The following TENM2 variants were observed in gnomAD, a reference collection of about 807,000 sequenced individuals.
TENM2 encodes teneurin transmembrane protein 2, also known as teneurin-2.
TENM2 carries 52 observed loss-of-function variants against 245.2 expected under a neutral mutation model. The observed-to-expected ratio is 0.21, with a 90% CI of 0.17 to 0.27. The LOEUF (loss-of-function observed/expected upper bound fraction) is 0.27. Ranked by LOEUF, TENM2 falls within the 10% of genes least tolerant of loss-of-function variation. TENM2 has a pLI of 1.00. For missense variants in TENM2, 3,046 were observed against 3,666.8 expected, an observed-to-expected ratio of 0.83 and a Z score of 4.37; for synonymous variants, 1,363 against 1,438.9, an observed-to-expected ratio of 0.95 and a Z score of 1.19.
chr5:167,207,106 G>A, the TENM2 span, among the ~76,000 whole-genome samples: 20 of 151,700 alleles, frequency 1.3e-4, no homozygotes, highest in Middle Eastern at 6.9e-3. Flanking sequence ...ACTGTGAACC[G>A]TGAGTTTGAG....
the TENM2 span, among the ~76,000 whole-genome samples, chr5:167,186,586 C>G: frequency 2.0e-5 from 3 of 152,136 alleles, no homozygotes; most frequent in Non-Finnish European, 4.4e-5. Flanking sequence ...GGAAACAACC[C>G]TTGGGACAAT....
chr5:167,213,016 A>C, the TENM2 span, among the ~76,000 whole-genome samples: 1 of 152,232 alleles, frequency 6.6e-6, no homozygotes, highest in African/African-American at 2.4e-5. Flanking sequence ...GATTTCTCCA[A>C]GTGAAAATGG....
chr5:167,954,201 A>G (rs906356340), intron 4 of TENM2, among the ~76,000 whole-genome samples: 1 of 151,340 alleles, frequency 6.6e-6, no homozygotes, highest in African/African-American at 2.4e-5. Context: ...ACACACACAC[A>G]AACAAACACA....
chr5:167,920,029 G>T (rs953939365), intron 3 of TENM2, among the ~76,000 whole-genome samples: 2 of 152,166 alleles, frequency 1.3e-5, no homozygotes, highest in Non-Finnish European at 2.9e-5. Flanking sequence ...ATTGTTCTGG[G>T]ATGAGTCCAT....
At chr5:167,708,329 C>T (rs925021008) in intron 2 of TENM2, among the ~76,000 whole-genome samples, 1 of 151,992 alleles carries the variant, frequency 6.6e-6, no homozygotes, top group African/African-American at 2.4e-5. Flanking sequence ...ATCATATATG[C>T]ACTTTTAATA....
the TENM2 span, among the ~76,000 whole-genome samples, chr5:167,207,326 G>T: frequency 6.6e-6 from 1 of 152,204 alleles, no homozygotes; most frequent in African/African-American, 2.4e-5. Flanking sequence ...GTGGGAAAGA[G>T]AACGCATGAG....
intron 2 of TENM2, chr5:167,755,271 T>C: frequency 9.1e-7 from 1 of 1,104,264 alleles, no homozygotes; most frequent in Non-Finnish European, 1.3e-6. Flanking sequence ...AGTATTTACT[T>C]TAACCCTTCA....
At chr5:167,482,948 T>G (rs1424805277) in intron 2 of TENM2, among the ~76,000 whole-genome samples, 1 of 152,214 alleles carries the variant, frequency 6.6e-6, no homozygotes, top group Non-Finnish European at 1.5e-5. Context: ...AACCTGTGAC[T>G]TTGAGAAGAA....
At chr5:167,640,864 T>TCC (rs1779528955) in intron 2 of TENM2, among the ~76,000 whole-genome samples, 6 of 24,062 alleles carry the variant, frequency 2.5e-4, no homozygotes, top group African/African-American at 2.4e-3. Flanking sequence ...TATATCCATA[T>TCC]ATATATATAT....
At chr5:167,327,468 T>G (rs1406885966) in intron 1 of TENM2, among the ~76,000 whole-genome samples, 1 of 152,098 alleles carries the variant, frequency 6.6e-6, no homozygotes, top group African/African-American at 2.4e-5. Flanking sequence ...TTGGAATAAA[T>G]GCAAAAAGCA....
At chr5:168,024,127 A>G (rs1382447632) in intron 5 of TENM2, among the ~76,000 whole-genome samples, 1 of 152,178 alleles carries the variant, frequency 6.6e-6, no homozygotes, top group Non-Finnish European at 1.5e-5. Context: ...AATTTTAATA[A>G]TTGGGCTCAT....
chr5:167,384,474 C>T (rs1164546541), intron 2 of TENM2, among the ~76,000 whole-genome samples: 1 of 152,082 alleles, frequency 6.6e-6, no homozygotes, highest in Non-Finnish European at 1.5e-5. Context: ...GAAAAAATTC[C>T]AACTCCAGTC....
chr5:167,318,674 A>G (rs1756527250), intron 1 of TENM2, among the ~76,000 whole-genome samples: 1 of 152,122 alleles, frequency 6.6e-6, no homozygotes, highest in Non-Finnish European at 1.5e-5. Flanking sequence ...TTTAGAAATA[A>G]TGTTTGGAGG....
At chr5:167,518,039 T>C (rs1210664119) in intron 2 of TENM2, among the ~76,000 whole-genome samples, 1 of 151,486 alleles carries the variant, frequency 6.6e-6, no homozygotes, top group African/African-American at 2.4e-5. Flanking sequence ...ATACAAAAAT[T>C]AGTCGGATGT....
intron 2 of TENM2, among the ~76,000 whole-genome samples, chr5:167,655,992 A>G (rs1462832009): frequency 6.6e-6 from 1 of 152,200 alleles, no homozygotes; most frequent in African/African-American, 2.4e-5. Flanking sequence ...ATTTGTTAAC[A>G]AAAGACCTGC....
intron 6 of TENM2, among the ~76,000 whole-genome samples, chr5:168,057,045 T>C (rs1450369542): frequency 1.3e-5 from 2 of 152,060 alleles, no homozygotes; most frequent in East Asian, 3.9e-4. Flanking sequence ...ACTGTATATA[T>C]ATAGAGAGAA....
Position 168,262,234 on chromosome 5 carries a change from G to A in TENM2, c.7749G>A (p.Thr2583=), listed in dbSNP as rs534240381. ...CCATCAAAGAAGGGCGGGTGACCAC[G>A]GGCGTGTCCAGCATCGCCAGCGAAG... The change falls in exon 29 of 29, where the codon ACG becomes ACA. Residue 2583 remains threonine, a synonymous_variant. Transcript: ENST00000518659. 21 of 1,605,050 alleles carry A rather than the reference G, an allele frequency of 1.3e-5. No individual in the cohort carries two copies. In the East Asian group the frequency reaches 2.2e-4, roughly 17 times the overall value.
At chr5:167,225,520 G>T in the TENM2 span, among the ~76,000 whole-genome samples, 2 of 152,092 alleles carry the variant, frequency 1.3e-5, no homozygotes, top group Non-Finnish European at 2.9e-5. Context: ...AATTCCAATT[G>T]ATCATGATTA....
At chr5:168,212,922 C>T (rs1762898065) in intron 20 of TENM2, among the ~76,000 whole-genome samples, 1 of 152,208 alleles carries the variant, frequency 6.6e-6, no homozygotes, top group Non-Finnish European at 1.5e-5. Flanking sequence ...TCACACCCAC[C>T]ACTGCCTGCT....
Sources: allele counts gnomAD v4.1 joint callset (sites outside exome capture counted in the v4.1 genomes callset), GRCh38; gene constraint gnomAD v4.1.1; transcripts MANE v1.5; gene names NCBI Gene and HGNC (gene_info 2026-07-23, HGNC 2026-07-21).